Variants in OSBPL5 observed in about 807,000 individuals in gnomAD.
OSBPL5 encodes the protein oxysterol binding protein like 5, also known as oxysterol-binding protein-related protein 5.
Under a neutral mutation model 111.2 loss-of-function variants are expected in OSBPL5, and 71 were observed. That is an observed-to-expected ratio of 0.64 (90% CI 0.53 to 0.78). OSBPL5 has a LOEUF of 0.78. Among genes scored for constraint, OSBPL5 ranks in the 30% least tolerant of loss-of-function variants. OSBPL5 has a pLI of 0.00. For missense variants in OSBPL5, 1,210 were observed against 1,189.3 expected, an observed-to-expected ratio of 1.02 and a Z score of -0.26; for synonymous variants, 549 against 513.9, an observed-to-expected ratio of 1.07 and a Z score of -0.93.
At chr11:3,156,914 C>T (rs904423654) in intron 1 of OSBPL5, among the ~76,000 whole-genome samples, 3 of 152,202 alleles carry the variant, frequency 2.0e-5, no homozygotes, top group Admixed American at 1.3e-4. Context: ...TAAGACTTGC[C>T]CATGGCCCCA....
intron 3 of OSBPL5, among the ~76,000 whole-genome samples, chr11:3,122,730 G>A (rs532259352): frequency 6.6e-6 from 1 of 152,342 alleles, no homozygotes; most frequent in African/African-American, 2.4e-5. Context: ...GGAAATGTGG[G>A]GACATCAGGG....
intron 1 of OSBPL5, among the ~76,000 whole-genome samples, chr11:3,138,918 G>A (rs1228317396): frequency 1.3e-5 from 2 of 152,242 alleles, no homozygotes; most frequent in Non-Finnish European, 2.9e-5. Context: ...CCAGGCGTGT[G>A]GGCAAAAACT....
Position 3,119,608 on chromosome 11 carries a change from G to A in OSBPL5, c.630C>T (p.Gly210=), listed in dbSNP as rs1161526087. Residue 210 remains glycine (G), a synonymous_variant, in exon 7 of 22, where the codon GGC becomes GGT. Transcript: ENST00000263650. ...AVKGPKGESV[G]SITQPLPSSY... ...TGCTGGGCAGGGGCTGTGTGATGGA[G>A]CCCACGCTCTCACCTTTGGGGCCCT... is the stretch of plus-strand genomic sequence containing the variant. 3.2e-6 allele frequency: 5 copies of A among 1,575,768 alleles called. No homozygotes were observed. The highest frequency in any genetic ancestry group is 1.9e-5 in the Admixed American group (1 of 51,780).
chr11:3,157,894 C>T (rs986862024), intron 1 of OSBPL5, among the ~76,000 whole-genome samples: 2 of 152,206 alleles, frequency 1.3e-5, no homozygotes, highest in African/African-American at 4.8e-5. Flanking sequence ...CATCCTCGAC[C>T]ACGGCAGCCG....
chr11:3,147,270 G>C (rs1242181521), intron 1 of OSBPL5, among the ~76,000 whole-genome samples: 1 of 152,256 alleles, frequency 6.6e-6, no homozygotes. Flanking sequence ...GGAGGAGGGG[G>C]AGTGGGCGCC....
rs199552862 is a variant in OSBPL5, at chr11:3,090,648, C to A, written c.2308G>T (p.Gly770Cys). ...CTGCTCTCCGTGGCCTGGCTGTGGCCGGAGGGCTGGTCGCTGGCCTTGCGA... is the reference window on the plus strand; with the variant it reads ...CTGCTCTCCGTGGCCTGGCTGTGGCAGGAGGGCTGGTCGCTGGCCTTGCGA... ...RLRKASDQPS[G>C]HSQATESSGS... The change falls in exon 20 of 22, where the codon GGC (glycine) becomes TGC (cysteine). Residue 770 changes from glycine to cysteine, a missense_variant. Physicochemically the swap from Gly to Cys is radical, Grantham distance 159 (BLOSUM62 -3). Coordinates refer to ENST00000263650, the MANE Select transcript of OSBPL5 (RefSeq NM_020896.4). 1 of 1,612,580 alleles carries A rather than the reference C, an allele frequency of 6.2e-7. No homozygotes were observed. Among genetic ancestry groups the A allele is most frequent in the Non-Finnish European group, 8.5e-7 (1 of 1,179,892 alleles).
At position 3,106,554 on chromosome 11, in the gene OSBPL5, G is replaced by A. The variant is rs559112739; in HGVS notation, c.1059+709C>T. Among the ~76,000 whole-genome samples the A allele has an allele frequency of 2.7e-4, 41 of 152,316 alleles. No individual in the cohort carries two copies. The highest frequency in any genetic ancestry group is 6.2e-4 in the South Asian group (3 of 4,830). On this transcript the variant is annotated intron_variant, in intron 9 of 21. Transcript: ENST00000263650. This position sits in a 1 kb window ranked among gnomAD's most constrained non-coding sequence, Gnocchi z 8.4. ...CACGTGAGTTCTCTCCAGCTGCGGG[G>A]AGTCAGCTGCCCTGGCTGTTCATCT...
intron 1 of OSBPL5, among the ~76,000 whole-genome samples, chr11:3,155,858 G>C (rs576721662): frequency 1.3e-5 from 2 of 152,368 alleles, no homozygotes; most frequent in South Asian, 4.1e-4. Context: ...TCAGCAAGGG[G>C]TTGCTGTGCT....
intron 14 of OSBPL5, among the ~76,000 whole-genome samples, chr11:3,099,859 G>C (rs926355723): frequency 6.6e-6 from 1 of 151,978 alleles, no homozygotes; most frequent in Admixed American, 6.6e-5. Flanking sequence ...ACCTGAGGTC[G>C]GGAGTTCGAG....
In OSBPL5 at chr11:3,154,227, C is replaced by T. The variant is rs1334195839; in HGVS notation, c.-22+10989G>A. On this transcript the variant is annotated intron_variant, in intron 1 of 21. Transcript: ENST00000263650. The surrounding 1 kb of genome is among the most constrained non-coding windows in gnomAD (Gnocchi z 4.9). ...ACACTCCAGCCCACAGATCCTGGCC[C>T]AGGATGCTGGGACCTGGAGAGCACG... 7.9e-5 allele frequency among the ~76,000 whole-genome samples: 12 copies of T among 152,258 alleles called. 1 individual carries two copies. The South Asian group carries it at 2.5e-3, about 31-fold the overall frequency.
In OSBPL5 at chr11:3,165,010, C is replaced by T. The variant is rs1186640734; in HGVS notation, c.-22+206G>A. On this transcript the variant is annotated intron_variant, in intron 1 of 21. Transcript: ENST00000263650. The surrounding 1 kb of genome is among the most constrained non-coding windows in gnomAD (Gnocchi z 7.4). The stretch of plus-strand genomic sequence containing the variant: ...CCAGGCTCCCGCGCTCCCCAGCTCC[C>T]CAGCGCGCGACCGGCCCCGCGGCGT... Among the ~76,000 whole-genome samples, 1 of 151,146 alleles carries T rather than the reference C, an allele frequency of 6.6e-6. No individual in the cohort carries two copies. The highest frequency in any genetic ancestry group is 1.5e-5 in the Non-Finnish European group (1 of 67,654).
chr11:3,092,905 C>A lies in OSBPL5; in HGVS notation c.2094G>T (p.Leu698=). 6.4e-7 allele frequency: 1 copy of A among 1,562,552 alleles called. No homozygotes were observed. ...LMPWKPQLFH[L]DPITQEWHYR... ...AGTGCCACTCCTGGGTGATGGGGTC[C>A]AGGTGGAACAGCTGCGGCTTCCAGG... is the stretch of plus-strand genomic sequence containing the variant. Residue 698 remains leucine (L), a synonymous_variant, in exon 18 of 22, where the codon CTG becomes CTT. Transcript: ENST00000263650. This position sits in a 1 kb window ranked among gnomAD's most constrained non-coding sequence, Gnocchi z 5.4.
chr11:3,096,268 A>G (rs1319363782), intron 14 of OSBPL5, among the ~76,000 whole-genome samples: 1 of 152,218 alleles, frequency 6.6e-6, no homozygotes, highest in African/African-American at 2.4e-5. Flanking sequence ...CTCGATGACA[A>G]CTAAGAGTTT....
At chr11:3,123,536 C>A (rs1858496443) in intron 3 of OSBPL5, among the ~76,000 whole-genome samples, 2 of 152,244 alleles carry the variant, frequency 1.3e-5, no homozygotes, top group East Asian at 3.8e-4. Flanking sequence ...GCGGCGGGGC[C>A]TAAATGCCGT....
At chr11:3,149,591 C>T (rs1020509032) in intron 1 of OSBPL5, among the ~76,000 whole-genome samples, 20 of 152,228 alleles carry the variant, frequency 1.3e-4, no homozygotes, top group East Asian at 3.8e-4. Flanking sequence ...AGCAGGTGCC[C>T]GCTGCAGCCT....
chr11:3,139,859 G>A (rs1396887094), intron 1 of OSBPL5, among the ~76,000 whole-genome samples: 1 of 152,226 alleles, frequency 6.6e-6, no homozygotes, highest in Non-Finnish European at 1.5e-5. Context: ...AAGCTCCTAG[G>A]GTGCGTTTAC....
Position 3,121,096 on chromosome 11 carries a change from GC to G in OSBPL5, c.403-473del, listed in dbSNP as rs1306449835. On this transcript the variant is annotated intron_variant, in intron 5 of 21. Coordinates refer to ENST00000263650, the MANE Select transcript of OSBPL5 (RefSeq NM_020896.4). This position sits in a 1 kb window ranked among gnomAD's most constrained non-coding sequence, Gnocchi z 4.3. Reference sequence around the variant, plus strand: ...TTTTTTTTGAGACAGAGTCTCTGTTGCCCAGGCTGGAGGTGCAGTGGTGCTA... The same window carrying G: ...TTTTTTTTGAGACAGAGTCTCTGTTGCCAGGCTGGAGGTGCAGTGGTGCTA... Among the ~76,000 whole-genome samples the G allele has an allele frequency of 1.5e-5, 2 of 134,234 alleles. No homozygotes were observed. Among genetic ancestry groups the G allele is most frequent in the African/African-American group, 5.7e-5 (2 of 35,084 alleles). 88.1% of individuals were successfully genotyped at this position (134,234 alleles called of 152,430 possible).
chr11:3,138,609 C>T (rs138811348), intron 1 of OSBPL5, among the ~76,000 whole-genome samples: 1 of 152,338 alleles, frequency 6.6e-6, no homozygotes, highest in Non-Finnish European at 1.5e-5. Flanking sequence ...CCAGAAAAGA[C>T]GCTCGCCTGC....
chr11:3,147,873 T>C (rs1375814367), intron 1 of OSBPL5, among the ~76,000 whole-genome samples: 1 of 151,966 alleles, frequency 6.6e-6, no homozygotes, highest in East Asian at 1.9e-4. Flanking sequence ...CTCGTCTGGG[T>C]CTCCACCACC....
Sources: gnomAD v4.1 joint callset for allele counts (sites outside exome capture counted in the v4.1 genomes callset) on GRCh38, gnomAD v4.1.1 for gene constraint, Gnocchi (gnomAD v3.1) non-coding constraint, MANE v1.5 for transcripts, NCBI Gene and HGNC (gene_info 2026-07-23, HGNC 2026-07-21) for gene names.